Variants in OLFM3 observed in about 807,000 individuals in gnomAD.
OLFM3 encodes the protein noelin-3.
A neutral mutation model predicts 48.6 loss-of-function variants in OLFM3; 20 were observed. The ratio of observed to expected loss-of-function variants is 0.41; its 90% confidence interval spans 0.29 to 0.60. The LOEUF (loss-of-function observed/expected upper bound fraction) is 0.60. OLFM3 is among the 20% of genes least tolerant of loss of function. OLFM3 has a pLI of 0.28. For synonymous variants in OLFM3, 222 were observed against 198.1 expected (o/e 1.12, Z -1.01); for missense variants, 437 against 544.3 (o/e 0.80, Z 1.96).
At chr1:101,813,277 T>C (rs749198009) in intron 4 of OLFM3, 13 of 293,900 alleles carry the variant, frequency 4.4e-5, no homozygotes, top group Admixed American at 3.4e-4. Flanking sequence ...TCATGAGTAC[T>C]GTACCATAAC....
At chr1:101,835,945 A>G (rs1655379078) in intron 2 of OLFM3, among the ~76,000 whole-genome samples, 1 of 152,192 alleles carries the variant, frequency 6.6e-6, no homozygotes, top group Admixed American at 6.5e-5. Context: ...TGTGTAAATA[A>G]TGAGTGTCTC....
At chr1:101,884,796 T>C (rs1344327518) in intron 1 of OLFM3, among the ~76,000 whole-genome samples, 1 of 152,018 alleles carries the variant, frequency 6.6e-6, no homozygotes, top group Admixed American at 6.6e-5. Flanking sequence ...AGGGCTTGCC[T>C]TTTAAAGTTC....
intron 1 of OLFM3, chr1:101,882,420 A>G (rs1030193516): frequency 6.6e-6 from 1 of 150,734 alleles, no homozygotes; most frequent in Non-Finnish European, 1.5e-5. Context: ...TATATATTGG[A>G]TTAGGGTGAC....
At chr1:101,967,305 C>CAA (rs145128808) in intron 1 of OLFM3, among the ~76,000 whole-genome samples, 801 of 53,252 alleles carry the variant, frequency 0.015, 7 homozygotes, top group Middle Eastern at 0.089. Flanking sequence ...GGCCAAAAAA[C>CAA]AAAAAAAACA....
intron 1 of OLFM3, among the ~76,000 whole-genome samples, chr1:101,920,002 G>A (rs1390765137): frequency 6.6e-6 from 1 of 152,138 alleles, no homozygotes; most frequent in Non-Finnish European, 1.5e-5. Context: ...ACTCTTTTCT[G>A]TCTCTTATAT....
intron 1 of OLFM3, among the ~76,000 whole-genome samples, chr1:101,975,241 C>T (rs1456631871): frequency 6.6e-6 from 1 of 152,102 alleles, no homozygotes; most frequent in Non-Finnish European, 1.5e-5. Flanking sequence ...CTTAAAGTGA[C>T]ACAGTAACAC....
intron 3 of OLFM3, among the ~76,000 whole-genome samples, chr1:101,829,373 G>A (rs895929034): frequency 6.6e-5 from 10 of 152,072 alleles, no homozygotes; most frequent in African/African-American, 2.2e-4. Context: ...TAAACCTCAT[G>A]ATTAATCACT....
intron 3 of OLFM3, among the ~76,000 whole-genome samples, chr1:101,828,066 GTC>G (rs200924384): frequency 1.4e-5 from 2 of 141,968 alleles, no homozygotes; most frequent in East Asian, 2.1e-4. Flanking sequence ...CTCTCTCTCT[GTC>G]TCTCTCTCTC....
At chr1:101,823,633 A>G (rs1383226746) in intron 4 of OLFM3, among the ~76,000 whole-genome samples, 2 of 152,052 alleles carry the variant, frequency 1.3e-5, no homozygotes, top group African/African-American at 4.8e-5. Flanking sequence ...GAGATTTTCA[A>G]CAGAGCAAAA....
intron 4 of OLFM3, among the ~76,000 whole-genome samples, chr1:101,821,870 G>T (rs1038304513): frequency 2.6e-5 from 4 of 151,962 alleles, no homozygotes; most frequent in Non-Finnish European, 5.9e-5. Context: ...GCCAAGTTTT[G>T]TTTTAGATTA....
intron 4 of OLFM3, among the ~76,000 whole-genome samples, chr1:101,814,670 G>T (rs77815914): frequency 1.3e-5 from 2 of 152,198 alleles, no homozygotes; most frequent in Admixed American, 6.5e-5. Context: ...ATGGGTTAAA[G>T]AGTCGGCCTG....
chr1:101,903,132 A>G (rs903679417), intron 1 of OLFM3, among the ~76,000 whole-genome samples: 10 of 152,092 alleles, frequency 6.6e-5, no homozygotes, highest in Admixed American at 5.9e-4. Flanking sequence ...ATAGAAGGGC[A>G]GGGAAAAGAA....
intron 4 of OLFM3, among the ~76,000 whole-genome samples, chr1:101,814,626 T>C (rs1156825508): frequency 6.6e-6 from 1 of 152,160 alleles, no homozygotes; most frequent in Non-Finnish European, 1.5e-5. Context: ...AGAGAATAGC[T>C]AGGGGAAGGC....
chr1:101,809,437 G>A (rs1653939681), intron 4 of OLFM3, among the ~76,000 whole-genome samples: 1 of 151,838 alleles, frequency 6.6e-6, no homozygotes. Context: ...TTATATTTAG[G>A]AAGAAAATCA....
At chr1:101,973,525 T>A (rs560163425) in intron 1 of OLFM3, among the ~76,000 whole-genome samples, 46 of 152,320 alleles carry the variant, frequency 3.0e-4, no homozygotes, top group African/African-American at 1.1e-3. Context: ...TTTTGCCAGC[T>A]ATCTAAGTAT....
chr1:101,962,222 A>G (rs1660488552), intron 1 of OLFM3, among the ~76,000 whole-genome samples: 1 of 152,152 alleles, frequency 6.6e-6, no homozygotes, highest in African/African-American at 2.4e-5. Context: ...GAGTTCTGCA[A>G]TTCAATGCAA....
At position 101,836,807 on chromosome 1, in the gene OLFM3, C is replaced by T; in HGVS notation, c.216+72G>A. 10 of 1,445,206 alleles carry T rather than the reference C, an allele frequency of 6.9e-6. 1 individual carries two copies. The highest frequency in any genetic ancestry group is 9.7e-6 in the Non-Finnish European group (10 of 1,035,386). 89.5% of individuals were successfully genotyped at this position (1,445,206 alleles called of 1,614,324 possible). A position where few individuals can be genotyped will look rare whatever the true frequency, so the allele number is the denominator to read the frequency against. ...AAAGAATCCTCTTCATTATTATCGG[C>T]TCTACCATATTTCCTTTTGAAAGAA... On this transcript the variant is annotated intron_variant, in intron 2 of 5. Coordinates refer to ENST00000370103, the MANE Select transcript of OLFM3 (RefSeq NM_058170.4).
chr1:101,859,423 G>A (rs959994687), intron 1 of OLFM3, among the ~76,000 whole-genome samples: 1 of 152,002 alleles, frequency 6.6e-6, no homozygotes, highest in Non-Finnish European at 1.5e-5. Context: ...ACATGGGCTA[G>A]GCACATTACA....
intron 1 of OLFM3, among the ~76,000 whole-genome samples, chr1:101,948,193 T>C (rs950260822): frequency 6.6e-6 from 1 of 152,182 alleles, no homozygotes; most frequent in Non-Finnish European, 1.5e-5. Context: ...ATTAAGTTGA[T>C]CTAGATTTTA....
Sources: allele counts gnomAD v4.1 joint callset (sites outside exome capture counted in the v4.1 genomes callset), GRCh38; gene constraint gnomAD v4.1.1; transcripts MANE v1.5; gene names NCBI Gene and HGNC (gene_info 2026-07-23, HGNC 2026-07-21).